KDM4C: variants seen among roughly 807,000 people sequenced by gnomAD.
The protein encoded by KDM4C is lysine-specific demethylase 4C.
Under a neutral mutation model 129.3 loss-of-function variants are expected in KDM4C, and 81 were observed. The ratio of observed to expected loss-of-function variants is 0.63; its 90% confidence interval spans 0.52 to 0.75. KDM4C has a LOEUF of 0.75. Among genes scored for constraint, KDM4C ranks in the 30% least tolerant of loss-of-function variants. The probability of loss-of-function intolerance (pLI) is 0.00; values close to 1 mark genes in which losing one functional copy is unlikely to be tolerated. For missense variants in KDM4C, 1,457 were observed against 1,304.0 expected (o/e 1.12, Z -1.81); for synonymous variants, 573 against 456.1 (o/e 1.26, Z -3.26).
chr9:6,894,236 C>T (rs1294370653), intron 8 of KDM4C, among the ~76,000 whole-genome samples: 4 of 152,160 alleles, frequency 2.6e-5, no homozygotes, highest in African/African-American at 9.7e-5. Flanking sequence ...TAAAATATAG[C>T]CCTTTGGCAG....
At position 6,774,814 on chromosome 9, in the gene KDM4C, G is replaced by C. The variant is rs7874381; in HGVS notation, c.-18+16611G>C. ...TCTATGAATTCACCCAGATATCACTGTATGTTTCTCTTCTATCTCATCCAT... is the reference window on the plus strand; with the variant it reads ...TCTATGAATTCACCCAGATATCACTCTATGTTTCTCTTCTATCTCATCCAT... On this transcript the variant is annotated intron_variant, in intron 1 of 21. Coordinates refer to ENST00000381309, the MANE Select transcript of KDM4C (RefSeq NM_015061.6). 7.4e-3 allele frequency among the ~76,000 whole-genome samples: 1,120 copies of C among 152,228 alleles called. 18 individuals are homozygous for C. The highest frequency in any genetic ancestry group is 0.024 in the African/African-American group (1,012 of 41,524).
At chr9:6,866,431 G>C (rs1309468363) in intron 5 of KDM4C, among the ~76,000 whole-genome samples, 4 of 152,142 alleles carry the variant, frequency 2.6e-5, no homozygotes, top group African/African-American at 9.7e-5. Flanking sequence ...GGGCTAGCTA[G>C]GGGTTCATTC....
At chr9:6,925,435 CT>C in intron 8 of KDM4C, 1 of 927,398 alleles carries the variant, frequency 1.1e-6, no homozygotes, top group Non-Finnish European at 1.3e-6. Context: ...CTCCTTTCCC[CT>C]TTTCCTCTTC....
intron 17 of KDM4C, among the ~76,000 whole-genome samples, chr9:7,080,260 T>G (rs1251456649): frequency 1.3e-5 from 2 of 152,160 alleles, no homozygotes; most frequent in African/African-American, 2.4e-5. Flanking sequence ...ATTCTCCTCC[T>G]TACTGTTTTC....
At chr9:6,893,281 T>G (rs1382022098) in intron 8 of KDM4C, 49 bp downstream of exon 8, 2 of 1,507,396 alleles carry the variant, frequency 1.3e-6, no homozygotes, top group African/African-American at 2.8e-5. Flanking sequence ...GTATTCTGGT[T>G]ATTTTAGTAG....
At chr9:6,746,329 A>C (rs1360239281) in intron 1 of KDM4C, among the ~76,000 whole-genome samples, 12 of 121,342 alleles carry the variant, frequency 9.9e-5, no homozygotes, top group South Asian at 8.1e-4. Context: ...AGTGCAGTGG[A>C]GCAATCTCGG....
Position 6,984,222 on chromosome 9 carries a change from T to A in KDM4C, c.1172T>A (p.Val391Glu), listed in dbSNP as rs1817281024. ...KRPKADEEEEVSDEVDGAEVP... is the reference protein window; with the variant it reads ...KRPKADEEEEESDEVDGAEVP... ...CCTAAGGCTGATGAGGAAGAGGAAG[T>A]GTCAGATGAAGTCGATGGGGCAGAG... Residue 391 changes from valine to glutamate, a missense_variant, in exon 10 of 22, where the codon GTG becomes GAG. Coordinates refer to ENST00000381309, the MANE Select transcript of KDM4C (RefSeq NM_015061.6). The A allele has an allele frequency of 1.2e-6, 2 of 1,613,894 alleles. No individual in the cohort carries two copies. Among genetic ancestry groups the A allele is most frequent in the Non-Finnish European group, 1.7e-6 (2 of 1,179,828 alleles).
At chr9:6,807,691 G>A (rs528541679) in intron 3 of KDM4C, among the ~76,000 whole-genome samples, 1 of 144,342 alleles carries the variant, frequency 6.9e-6, no homozygotes, top group Non-Finnish European at 1.5e-5. Flanking sequence ...CCCGGCAGCT[G>A]CCCCGTCTGA....
intron 1 of KDM4C, among the ~76,000 whole-genome samples, chr9:6,746,253 T>A (rs1276946494): frequency 1.5e-5 from 2 of 134,102 alleles, no homozygotes; most frequent in African/African-American, 5.8e-5. Context: ...CCATTATATA[T>A]ATATATATGT....
intron 15 of KDM4C, 142 bp downstream of exon 15, chr9:7,016,071 T>G: frequency 2.0e-6 from 1 of 502,920 alleles, no homozygotes; most frequent in Non-Finnish European, 3.6e-6. Flanking sequence ...GTCTTCCCTC[T>G]CAAAAGCATC....
intron 17 of KDM4C, among the ~76,000 whole-genome samples, chr9:7,098,150 G>C (rs772098814): frequency 3.2e-4 from 48 of 152,272 alleles, no homozygotes; most frequent in Non-Finnish European, 6.8e-4. Context: ...ATTCTTTTGT[G>C]ATTTTTATTT....
At chr9:6,877,423 G>C (rs1351349868) in intron 5 of KDM4C, among the ~76,000 whole-genome samples, 10 of 151,982 alleles carry the variant, frequency 6.6e-5, no homozygotes, top group Admixed American at 6.5e-4. Context: ...GGTGGTCTCG[G>C]TCTCCTGACC....
chr9:7,165,697 A>T (rs1373790596), intron 20 of KDM4C, among the ~76,000 whole-genome samples: 1 of 152,252 alleles, frequency 6.6e-6, no homozygotes, highest in African/African-American at 2.4e-5. Context: ...CCTTCAGCCA[A>T]GACAGCGATG....
At chr9:6,981,826 A>G (rs117250755) in intron 9 of KDM4C, 1 of 274,864 alleles carries the variant, frequency 3.6e-6, no homozygotes, top group African/African-American at 2.2e-5. Context: ...AATATTACTC[A>G]TTGTTTTTCT....
chr9:6,953,340 A>G (rs1318409812), intron 8 of KDM4C, among the ~76,000 whole-genome samples: 1 of 152,202 alleles, frequency 6.6e-6, no homozygotes, highest in Non-Finnish European at 1.5e-5. Flanking sequence ...TTTTTTGAAG[A>G]TGAAATTGAG....
At chr9:7,032,199 C>G (rs1166262922) in intron 15 of KDM4C, among the ~76,000 whole-genome samples, 1 of 152,178 alleles carries the variant, frequency 6.6e-6, no homozygotes, top group Admixed American at 6.5e-5. Flanking sequence ...GAGCGTAATT[C>G]CTGTAGATGG....
chr9:6,801,465 C>G (rs1225122917), intron 2 of KDM4C, among the ~76,000 whole-genome samples: 1 of 151,082 alleles, frequency 6.6e-6, no homozygotes, highest in Non-Finnish European at 1.5e-5. Context: ...TCTGGATCTC[C>G]TGACATCGTG....
intron 17 of KDM4C, among the ~76,000 whole-genome samples, chr9:7,097,492 C>T (rs1836577724): frequency 6.6e-6 from 1 of 152,172 alleles, no homozygotes; most frequent in Non-Finnish European, 1.5e-5. Context: ...ATCATGGGCT[C>T]CTCCATGACC....
chr9:7,163,623 C>T (rs1587948424), intron 19 of KDM4C, among the ~76,000 whole-genome samples: 1 of 152,066 alleles, frequency 6.6e-6, no homozygotes, highest in African/African-American at 2.4e-5. Context: ...TCTCTAACCT[C>T]GGAGACTGAC....
Sources: allele counts gnomAD v4.1 joint callset (sites outside exome capture counted in the v4.1 genomes callset), GRCh38; gene constraint gnomAD v4.1.1; transcripts MANE v1.5; gene names NCBI Gene and HGNC (gene_info 2026-07-23, HGNC 2026-07-21).